MARCHF3: variants seen among roughly 807,000 people sequenced by gnomAD.
MARCHF3 encodes the protein membrane associated ring-CH-type finger 3.
In MARCHF3, 13 loss-of-function variants were observed where a neutral mutation model predicts 24.2. The observed-to-expected ratio is 0.54, with a 90% CI of 0.35 to 0.85. The LOEUF is 0.85. Among genes scored for constraint, MARCHF3 ranks in the 40% least tolerant of loss-of-function variants. MARCHF3 has a pLI of 0.01. For synonymous variants in MARCHF3, 144 were observed against 137.3 expected, an observed-to-expected ratio of 1.05 and a Z score of -0.34; for missense variants, 276 against 325.0, an observed-to-expected ratio of 0.85 and a Z score of 1.16.
At chr5:127,023,986 C>T in intron 1 of MARCHF3, among the ~76,000 whole-genome samples, 1 of 152,084 alleles carries the variant, frequency 6.6e-6, no homozygotes, top group Non-Finnish European at 1.5e-5. Context: ...TGAAGCTGTC[C>T]CAAGTTTCAA....
intron 3 of MARCHF3, among the ~76,000 whole-genome samples, chr5:126,902,517 G>A (rs1754141439): frequency 6.6e-6 from 1 of 152,000 alleles, no homozygotes; most frequent in African/African-American, 2.4e-5. Flanking sequence ...TCTGGTTATG[G>A]AATTCTTTTT....
chr5:126,886,350 T>TA (rs1289748833), intron 3 of MARCHF3, among the ~76,000 whole-genome samples: 5 of 152,184 alleles, frequency 3.3e-5, no homozygotes, highest in Non-Finnish European at 7.4e-5. Context: ...CTGCAACAGA[T>TA]AAAGTTGGAG....
At chr5:127,003,479 C>T (rs998101774) in intron 1 of MARCHF3, among the ~76,000 whole-genome samples, 2 of 149,626 alleles carry the variant, frequency 1.3e-5, no homozygotes, top group African/African-American at 5.0e-5. Flanking sequence ...AAGGCCGGCG[C>T]GGTGGCTCAC....
intron 3 of MARCHF3, among the ~76,000 whole-genome samples, chr5:126,908,729 T>TAACAAAG (rs1156594649): frequency 1.3e-5 from 2 of 149,930 alleles, no homozygotes; most frequent in Non-Finnish European, 2.9e-5. Context: ...CTTCTAAAGT[T>TAACAAAG]TTTTCAAAGT....
intron 3 of MARCHF3, among the ~76,000 whole-genome samples, chr5:126,896,130 C>T (rs558943503): frequency 3.7e-4 from 56 of 152,308 alleles, no homozygotes; most frequent in African/African-American, 1.2e-3. Context: ...TGACCCCTTG[C>T]GCTTCCCAAG....
chr5:126,926,675 A>C (rs1233645943), intron 1 of MARCHF3, among the ~76,000 whole-genome samples: 1 of 152,020 alleles, frequency 6.6e-6, no homozygotes, highest in East Asian at 1.9e-4. Flanking sequence ...GGGGTTGAGG[A>C]GACTGAGCTC....
intron 1 of MARCHF3, among the ~76,000 whole-genome samples, chr5:127,005,436 A>G (rs182761833): frequency 6.6e-6 from 1 of 152,198 alleles, no homozygotes; most frequent in Non-Finnish European, 1.5e-5. Flanking sequence ...ACACCCAGCC[A>G]GGAAGTTTTG....
chr5:126,910,497 C>A (rs182151576), intron 3 of MARCHF3, among the ~76,000 whole-genome samples: 1 of 152,218 alleles, frequency 6.6e-6, no homozygotes, highest in Non-Finnish European at 1.5e-5. Context: ...GGACCCTGAA[C>A]GGAGGGACCG....
chr5:127,024,688 T>C (rs1752935818), intron 1 of MARCHF3, among the ~76,000 whole-genome samples: 1 of 152,206 alleles, frequency 6.6e-6, no homozygotes, highest in Non-Finnish European at 1.5e-5. Context: ...TTCATTATTG[T>C]CAATTAAAAA....
Position 126,915,640 on chromosome 5 carries a change from T to A in MARCHF3, c.189-506A>T, listed in dbSNP as rs997124785. 4.6e-5 allele frequency among the ~76,000 whole-genome samples: 7 copies of A among 152,186 alleles called. No individual in the cohort carries two copies. In the South Asian group the frequency reaches 6.2e-4, roughly 13 times the overall value. ...CAACCCTGCAGCCACTACACAGAAC[T>A]GCAGTCTGAGCCACAGCACAAAGCT... On this transcript the variant is annotated intron_variant, in intron 2 of 4. Coordinates refer to ENST00000308660, the MANE Select transcript of MARCHF3 (RefSeq NM_178450.5).
chr5:127,030,354 C>G lies in MARCHF3; in HGVS notation c.-61G>C, dbSNP rs1177201078. The G allele has an allele frequency of 1.3e-5, 2 of 152,218 alleles. No homozygotes were observed. Among genetic ancestry groups the G allele is most frequent in the Admixed American group, 6.5e-5 (1 of 15,288 alleles). The allele number at this position is 152,218 out of a possible 1,614,324, so 9.4% of individuals were successfully genotyped here. A position where few individuals can be genotyped will look rare whatever the true frequency, so the allele number is the denominator to read the frequency against. The stretch of plus-strand genomic sequence containing the variant: ...GCCCGGCGCGCGGCCACTCACCGTC[C>G]TCGCCGAGTCCCGATAGCAAACCGA... On this transcript the variant is annotated 5_prime_UTR_variant, in exon 1 of 5. Coordinates refer to ENST00000308660, the MANE Select transcript of MARCHF3 (RefSeq NM_178450.5).
intron 1 of MARCHF3, among the ~76,000 whole-genome samples, chr5:126,931,786 T>G (rs376869305): frequency 1.8e-4 from 27 of 152,150 alleles, no homozygotes; most frequent in East Asian, 1.3e-3. Context: ...TCAACTGGAC[T>G]AGAGTAGAAG....
intron 3 of MARCHF3, among the ~76,000 whole-genome samples, chr5:126,890,221 C>T (rs1580604921): frequency 1.3e-5 from 2 of 150,806 alleles, no homozygotes; most frequent in East Asian, 3.9e-4. Context: ...GATCACTTTG[C>T]TATAAAACTC....
intron 1 of MARCHF3, among the ~76,000 whole-genome samples, chr5:126,946,788 G>GTGTGTGTGTGTC (rs1239541121): frequency 6.6e-6 from 1 of 151,426 alleles, no homozygotes; most frequent in African/African-American, 2.4e-5. Context: ...GTGTGTGTGT[G>GTGTGTGTGTGTC]TGTGTGTGTC....
chr5:126,944,435 C>CA (rs1749939411), intron 1 of MARCHF3, among the ~76,000 whole-genome samples: 1 of 151,976 alleles, frequency 6.6e-6, no homozygotes, highest in Admixed American at 6.6e-5. Context: ...CCATCTCTAC[C>CA]AAAAAATACA....
intron 1 of MARCHF3, among the ~76,000 whole-genome samples, chr5:127,028,738 C>T (rs1033031744): frequency 2.0e-5 from 3 of 152,152 alleles, no homozygotes; most frequent in Non-Finnish European, 4.4e-5. Context: ...CAAGCTCCCC[C>T]TCCCCAAGCC....
chr5:126,897,501 ACAGAAT>A (rs1369527260), intron 3 of MARCHF3, among the ~76,000 whole-genome samples: 1 of 152,150 alleles, frequency 6.6e-6, no homozygotes, highest in Non-Finnish European at 1.5e-5. Flanking sequence ...ACATAGGACA[ACAGAAT>A]CAAGAAAGCA....
intron 3 of MARCHF3, among the ~76,000 whole-genome samples, chr5:126,898,209 G>A (rs1753990218): frequency 6.6e-6 from 1 of 152,118 alleles, no homozygotes; most frequent in Non-Finnish European, 1.5e-5. Flanking sequence ...GGTATGGTAT[G>A]TGAATTTTTA....
chr5:127,023,902 A>G (rs1752908059), intron 1 of MARCHF3, among the ~76,000 whole-genome samples: 2 of 152,176 alleles, frequency 1.3e-5, no homozygotes, highest in South Asian at 2.1e-4. Context: ...TAAACCTCCC[A>G]CAGCCAAAGC....
Sources: gnomAD v4.1 joint callset for allele counts (sites outside exome capture counted in the v4.1 genomes callset) on GRCh38, gnomAD v4.1.1 for gene constraint, MANE v1.5 for transcripts, NCBI Gene and HGNC (gene_info 2026-07-23, HGNC 2026-07-21) for gene names.